Variants in LAMA5 observed in about 807,000 individuals in gnomAD.
LAMA5 encodes the protein laminin subunit alpha 5, also known as laminin subunit alpha-5.
LAMA5 carries 260 observed loss-of-function variants against 433.4 expected under a neutral mutation model. The observed-to-expected ratio is 0.60, with a 90% CI of 0.54 to 0.66. The LOEUF (loss-of-function observed/expected upper bound fraction) is 0.66, where lower values mean the gene tolerates loss of function less well. Ranked by LOEUF, LAMA5 falls within the 30% of genes least tolerant of loss-of-function variation. LAMA5 has a pLI of 0.00. For synonymous variants in LAMA5, 2,620 were observed against 2,226.6 expected (o/e 1.18, Z -4.97); for missense variants, 5,378 against 5,258.5 (o/e 1.02, Z -0.70).
In LAMA5 at chr20:62,309,501, A is replaced by C. The variant is rs373395402; in HGVS notation, c.10949-26T>G. On this transcript the variant is annotated intron_variant, in intron 79 of 79. Transcript: ENST00000252999. ...CTGGGGGCACAGGGAAGATGGAAGA[A>C]GGCTGGTTGGTGGGCAGCTAGAGAC... 3.9e-4 allele frequency: 610 copies of C among 1,550,174 alleles called. 2 individuals carry two copies. The African/African-American group carries it at 7.4e-3, about 19-fold the overall frequency.
Position 62,327,361 on chromosome 20 carries a change from C to A in LAMA5, c.4984G>T (p.Val1662Leu). Residue 1662 changes from valine to leucine, a missense_variant, in exon 38 of 80, where the codon GTG (valine) becomes TTG (leucine). Val to Leu is a conservative substitution (Grantham distance 32). Coordinates refer to ENST00000252999, the MANE Select transcript of LAMA5 (RefSeq NM_005560.6). Reference sequence around the variant, plus strand: ...CCTGGCTGCCGCTCGTGGGGCACCACCTGCCGGTCAGTGCTCAGCAGCACC... The same window carrying A: ...CCTGGCTGCCGCTCGTGGGGCACCAACTGCCGGTCAGTGCTCAGCAGCACC... ...GWVLLSTDRQ[V>L]VPHERQPGTE... 6.3e-7 allele frequency: 1 copy of A among 1,599,670 alleles called. No homozygotes were observed. The highest frequency in any genetic ancestry group is 1.3e-5 in the African/African-American group (1 of 74,902).
chr20:62,363,589 CG>C (rs1435849712), intron 1 of LAMA5, among the ~76,000 whole-genome samples: 1 of 152,062 alleles, frequency 6.6e-6, no homozygotes, highest in Non-Finnish European at 1.5e-5. Context: ...GCTGCTCCCC[CG>C]CCCCCCCAGG....
Position 62,322,016 on chromosome 20 carries a change from C to T in LAMA5, c.6496+3G>A. ...GTGGGGAAGTGGGGTGTTGAGGACA[C>T]ACCTTCACAGTGGATGCTGTGGCCC... On this transcript the variant is annotated splice_donor_region_variant and intron_variant, in intron 48 of 79. Coordinates refer to ENST00000252999, the MANE Select transcript of LAMA5 (RefSeq NM_005560.6). 8 of 1,598,138 alleles carry T rather than the reference C, an allele frequency of 5.0e-6. No individual in the cohort carries two copies. Among genetic ancestry groups the T allele is most frequent in the East Asian group, 2.2e-5 (1 of 44,838 alleles).
intron 11 of LAMA5, among the ~76,000 whole-genome samples, chr20:62,339,575 G>A (rs961739655): frequency 6.6e-6 from 1 of 151,880 alleles, no homozygotes; most frequent in Non-Finnish European, 1.5e-5. Context: ...TGTATCAAAT[G>A]TCTTAACTTA....
Position 62,346,146 on chromosome 20 carries a change from G to C in LAMA5, c.1352C>G (p.Pro451Arg), listed in dbSNP as rs770493108. 6 of 1,613,078 alleles carry C rather than the reference G, an allele frequency of 3.7e-6. No homozygotes were observed. Among genetic ancestry groups the C allele is most frequent in the Non-Finnish European group, 5.1e-6 (6 of 1,179,994 alleles). ...EDLTGRCYCR[P>R]NFSGERCDVC... The stretch of plus-strand genomic sequence containing the variant: ...GTCACACCGCTCCCCAGAGAAGTTG[G>C]GCCGGCAGTAGCATCGACCCGTCAG... The change falls in exon 10 of 80, where the codon CCC becomes CGC. Residue 451 changes from proline to arginine, a missense_variant. Pro to Arg is a moderately radical substitution (Grantham distance 103, BLOSUM62 -2). Transcript: ENST00000252999.
At chr20:62,319,560 C>T (rs757574379) in intron 51 of LAMA5, 124 bp downstream of exon 51, 43 of 671,788 alleles carry the variant, frequency 6.4e-5, no homozygotes, top group Non-Finnish European at 1.0e-4. Context: ...CCAGAGGCGT[C>T]GTCTCCCATC....
At chr20:62,348,465 G>A (rs1301289602) in intron 6 of LAMA5, among the ~76,000 whole-genome samples, 1 of 152,046 alleles carries the variant, frequency 6.6e-6, no homozygotes, top group Non-Finnish European at 1.5e-5. Context: ...AAATTAGCCG[G>A]GTGTGGTGGC....
At position 62,312,592 on chromosome 20, in the gene LAMA5, ACAGCCTGGCCTCGGAGCCCCAG is replaced by A. The variant is rs1356289204; in HGVS notation, c.9227+18_9227+39del. On this transcript the variant is annotated intron_variant, in intron 67 of 79. Coordinates refer to ENST00000252999, the MANE Select transcript of LAMA5 (RefSeq NM_005560.6). The stretch of plus-strand genomic sequence containing the variant: ...CCTCCAAGCCCAGCCTACCGCCCCA[ACAGCCTGGCCTCGGAGCCCCAG>A]CTGCGCACAGTGCTTACCTCGGGGG... 6 of 1,600,146 alleles carry A rather than the reference ACAGCCTGGCCTCGGAGCCCCAG, an allele frequency of 3.7e-6. No homozygotes were observed. Among genetic ancestry groups the A allele is most frequent in the Admixed American group, 1.7e-5 (1 of 59,186 alleles).
intron 51 of LAMA5, 33 bp from the exon 52 acceptor site, chr20:62,319,046 C>A: frequency 6.6e-7 from 1 of 1,504,066 alleles, no homozygotes; most frequent in African/African-American, 1.4e-5. Flanking sequence ...AGCCTGGGGC[C>A]GCCCGTACTA....
chr20:62,310,016 C>T lies in LAMA5; in HGVS notation c.10800G>A (p.Leu3600=). The stretch of plus-strand genomic sequence containing the variant: ...CTAGCCGGTGCCACTGGCCATCACA[C>T]AGCACTGAGGGGCGGGTCACTGACG... ...FSTSVTRPSV[L]CDGQWHRLAV... Residue 3600 remains leucine, a synonymous_variant, in exon 78 of 80, where the codon CTG becomes CTA. Coordinates refer to ENST00000252999, the MANE Select transcript of LAMA5 (RefSeq NM_005560.6). The T allele has an allele frequency of 6.2e-7, 1 of 1,611,540 alleles. No homozygotes were observed. The highest frequency in any genetic ancestry group is 8.5e-7 in the Non-Finnish European group (1 of 1,179,756).
Position 62,310,944 on chromosome 20 carries a change from G to A in LAMA5, c.10239C>T (p.Arg3413=), listed in dbSNP as rs200712230. Reference sequence around the variant, plus strand: ...GCCGGGAGCGCTGGCGGCTCTGGGCGCGGAGCCGAGTCCCGAGGCCTTCCA... The same window carrying A: ...GCCGGGAGCGCTGGCGGCTCTGGGCACGGAGCCGAGTCCCGAGGCCTTCCA... The part of the protein sequence containing the change: ...AQMEGLGTRL[R]AQSRQRSRPG... Residue 3413 remains arginine, a synonymous_variant, in exon 74 of 80, where the codon CGC becomes CGT. Coordinates refer to ENST00000252999, the MANE Select transcript of LAMA5 (RefSeq NM_005560.6). 250 of 1,611,186 alleles carry A rather than the reference G, an allele frequency of 1.6e-4. 1 individual carries two copies. Among genetic ancestry groups the A allele is most frequent in the South Asian group, 1.4e-3 (123 of 90,974 alleles).
chr20:62,347,150 C>T (rs1333068598), intron 6 of LAMA5, 122 bp from the exon 7 acceptor site: 3 of 695,600 alleles, frequency 4.3e-6, no homozygotes, highest in African/African-American at 3.5e-5. Flanking sequence ...GGACACGGCC[C>T]CCCGCTGCTG....
Position 62,316,882 on chromosome 20 carries a change from C to T in LAMA5, c.7653G>A (p.Ala2551=), listed in dbSNP as rs753551909. The change falls in exon 56 of 80, where the codon GCG becomes GCA. Residue 2551 remains alanine (A), a splice_region_variant and synonymous_variant. Transcript: ENST00000252999. ...QALQQADHTW[A]TVVRQGLVDR... is the part of the protein sequence containing the mutation. Reference sequence around the variant, plus strand: ...GCTGAGGGGAAGTGAGGGGCCTCACCGCCCACGTGTGGTCCGCCTGCTGCA... The same window carrying T: ...GCTGAGGGGAAGTGAGGGGCCTCACTGCCCACGTGTGGTCCGCCTGCTGCA... The T allele has an allele frequency of 3.9e-5, 60 of 1,529,052 alleles. No homozygotes were observed. Among genetic ancestry groups the T allele is most frequent in the South Asian group, 8.4e-5 (7 of 83,024 alleles). The allele number at this position is 1,529,052 out of a possible 1,614,324, so 94.7% of individuals were successfully genotyped here.
chr20:62,310,705 A>G lies in LAMA5; in HGVS notation c.10406T>C (p.Val3469Ala), dbSNP rs762588624. ...AEHPQPHTLF[V>A]GGLPASSHSS... ...GTGGCTGCTGGCCGGGAGGCCGCCC[A>G]CAAAGAGGGTGTGGGGCTGGGGGTG... Residue 3469 changes from valine (V) to alanine (A), a missense_variant, in exon 75 of 80, where the codon GTG becomes GCG. Physicochemically the swap from Val to Ala is moderately conservative, Grantham distance 64. Transcript: ENST00000252999. The G allele has an allele frequency of 6.2e-7, 1 of 1,601,090 alleles. No individual in the cohort carries two copies. Among genetic ancestry groups the G allele is most frequent in the South Asian group, 1.1e-5 (1 of 89,860 alleles).
chr20:62,316,411 TTGCCCTG>T, intron 57 of LAMA5: 1 of 532,464 alleles, frequency 1.9e-6, no homozygotes, highest in Non-Finnish European at 3.3e-6. Flanking sequence ...CACGTATCTC[TTGCCCTG>T]TGCCCTGTGG....
At position 62,317,759 on chromosome 20, in the gene LAMA5, G is replaced by C. The variant is rs759030817; in HGVS notation, c.7259C>G (p.Ser2420Cys). 105 of 1,603,420 alleles carry C rather than the reference G, an allele frequency of 6.5e-5. 3 individuals carry two copies. The South Asian group carries it at 1.1e-3, about 17-fold the overall frequency. Residue 2420 changes from serine to cysteine, a missense_variant, in exon 54 of 80, where the codon TCC (serine) becomes TGC (cysteine). Ser to Cys is a moderately radical substitution (Grantham distance 112, BLOSUM62 -1). Transcript: ENST00000252999. ...GGCCTGCAGGGTGGCATTGTCCCGG[G>C]ACAGCTCCTGCTTCCTTTGCTGAAG... ...EEALQRKQEL[S>C]RDNATLQATL... is the part of the protein sequence containing the mutation.
chr20:62,338,863 C>A (rs2146241579), intron 11 of LAMA5, among the ~76,000 whole-genome samples: 1 of 152,186 alleles, frequency 6.6e-6, no homozygotes, highest in Non-Finnish European at 1.5e-5. Context: ...ATAGTGAAGC[C>A]CTGTCTGTAC....
intron 6 of LAMA5, among the ~76,000 whole-genome samples, chr20:62,348,056 C>T (rs1469366469): frequency 1.3e-5 from 2 of 152,210 alleles, no homozygotes; most frequent in African/African-American, 4.8e-5. Flanking sequence ...ACTGGTGTTC[C>T]ATTTTTCAAA....
At position 62,327,297 on chromosome 20, in the gene LAMA5, T is replaced by A; in HGVS notation, c.5048A>T (p.Glu1683Val). Residue 1683 changes from glutamate to valine, a missense_variant, in exon 38 of 80, where the codon GAG (glutamate) becomes GTG (valine). Coordinates refer to ENST00000252999, the MANE Select transcript of LAMA5 (RefSeq NM_005560.6). Reference sequence around the variant, plus strand: ...CTCGGGGAAAGCCTCGGGCACAGCCTCAGGCACGTGCCGCAGGTCTGCACG... The same window carrying A: ...CTCGGGGAAAGCCTCGGGCACAGCCACAGGCACGTGCCGCAGGTCTGCACG... Reference protein sequence around the residue: ...MLRADLRHVPEAVPEAFPELY... With the variant: ...MLRADLRHVPVAVPEAFPELY... The A allele has an allele frequency of 6.3e-7, 1 of 1,587,200 alleles. No homozygotes were observed. Among genetic ancestry groups the A allele is most frequent in the Non-Finnish European group, 8.6e-7 (1 of 1,166,710 alleles).
Sources: gnomAD v4.1 joint callset for allele counts (sites outside exome capture counted in the v4.1 genomes callset) on GRCh38, gnomAD v4.1.1 for gene constraint, MANE v1.5 for transcripts, NCBI Gene and HGNC (gene_info 2026-07-23, HGNC 2026-07-21) for gene names.